ZNRF3: variants seen among roughly 807,000 people sequenced by gnomAD.
ZNRF3 encodes the protein zinc and ring finger 3.
Under a neutral mutation model 72.5 loss-of-function variants are expected in ZNRF3, and 23 were observed. That is an observed-to-expected ratio of 0.32 (90% CI 0.23 to 0.45). ZNRF3 has a LOEUF of 0.45. Ranked by LOEUF, ZNRF3 falls within the 20% of genes least tolerant of loss-of-function variation. The probability of loss-of-function intolerance (pLI) is 1.00; values close to 1 mark genes in which losing one functional copy is unlikely to be tolerated. For synonymous variants in ZNRF3, 610 were observed against 545.3 expected (o/e 1.12, Z -1.65); for missense variants, 1,169 against 1,272.1 (o/e 0.92, Z 1.23).
At chr22:29,002,429 G>A (rs187129853) in intron 2 of ZNRF3, among the ~76,000 whole-genome samples, 20 of 152,284 alleles carry the variant, frequency 1.3e-4, no homozygotes, top group Non-Finnish European at 2.5e-4. Context: ...TACAAGAGGT[G>A]CCATTTTGAA....
chr22:29,013,812 A>T (rs897771646), intron 2 of ZNRF3, among the ~76,000 whole-genome samples: 1 of 152,208 alleles, frequency 6.6e-6, no homozygotes, highest in Non-Finnish European at 1.5e-5. Flanking sequence ...TAAAAGCGTG[A>T]TGATATGGAG....
chr22:29,036,754 T>G (rs550115883), intron 2 of ZNRF3, among the ~76,000 whole-genome samples: 5 of 152,312 alleles, frequency 3.3e-5, no homozygotes, highest in African/African-American at 1.2e-4. Context: ...AATGTAGTAT[T>G]AATTATAATT....
chr22:29,035,692 C>T (rs562249452), intron 2 of ZNRF3, among the ~76,000 whole-genome samples: 2 of 152,328 alleles, frequency 1.3e-5, no homozygotes, highest in East Asian at 3.9e-4. Flanking sequence ...TCTCCTGCCT[C>T]AGCCTCCTGA....
At chr22:28,996,741 C>T (rs1199010394) in intron 2 of ZNRF3, among the ~76,000 whole-genome samples, 2 of 152,126 alleles carry the variant, frequency 1.3e-5, no homozygotes, top group Non-Finnish European at 2.9e-5. Context: ...AACAAACAAC[C>T]AGACAGTGAA....
intron 1 of ZNRF3, among the ~76,000 whole-genome samples, chr22:28,982,248 C>T (rs1463608622): frequency 2.0e-5 from 3 of 151,980 alleles, no homozygotes; most frequent in African/African-American, 7.3e-5. Flanking sequence ...GTCACTATAT[C>T]ATCTGATATT....
chr22:29,046,163 T>A (rs1405261569), intron 5 of ZNRF3, among the ~76,000 whole-genome samples: 1 of 152,140 alleles, frequency 6.6e-6, no homozygotes, highest in Non-Finnish European at 1.5e-5. Context: ...AGCAGAGATC[T>A]GGACCCCCAA....
At chr22:28,955,050 T>G (rs111927589) in intron 1 of ZNRF3, among the ~76,000 whole-genome samples, 3,334 of 150,662 alleles carry the variant, frequency 0.022, 66 homozygotes, top group African/African-American at 0.038. Context: ...TTTTTTGTTT[T>G]TTTTTTTTGA....
At chr22:28,957,386 C>T (rs570389843) in intron 1 of ZNRF3, among the ~76,000 whole-genome samples, 6 of 152,272 alleles carry the variant, frequency 3.9e-5, no homozygotes, top group African/African-American at 9.6e-5. Context: ...ATTTACTGAA[C>T]GAGTTTCTAA....
At chr22:28,935,143 C>T (rs1203131542) in intron 1 of ZNRF3, among the ~76,000 whole-genome samples, 1 of 152,198 alleles carries the variant, frequency 6.6e-6, no homozygotes, top group Non-Finnish European at 1.5e-5. Context: ...TCTGGATGTG[C>T]TATGGTTCTG....
At chr22:28,899,510 A>C (rs1716381123) in intron 1 of ZNRF3, among the ~76,000 whole-genome samples, 1 of 152,044 alleles carries the variant, frequency 6.6e-6, no homozygotes, top group Non-Finnish European at 1.5e-5. Flanking sequence ...TGCCATACCA[A>C]CCTTGTTTTT....
At position 29,049,467 on chromosome 22, in the gene ZNRF3, C is replaced by A. The variant is rs1601713305; in HGVS notation, c.1286C>A (p.Ala429Asp). The change falls in exon 8 of 9, where the codon GCC becomes GAC. Residue 429 changes from alanine to aspartate, a missense_variant. Physicochemically the swap from Ala to Asp is moderately radical, Grantham distance 126. Transcript: ENST00000544604. This position sits in a 1 kb window ranked among gnomAD's most constrained non-coding sequence, Gnocchi z 5.2. ...CCCCTCCACCTGGACCACAGCCTGG[C>A]CGCTCACCGCTGCGGCCTGGAGCAC... Reference protein sequence around the residue: ...YPPLHLDHSLAAHRCGLEHRA... With the variant: ...YPPLHLDHSLDAHRCGLEHRA... The A allele has an allele frequency of 1.2e-6, 2 of 1,604,952 alleles. No individual in the cohort carries two copies. Among genetic ancestry groups the A allele is most frequent in the East Asian group, 2.2e-5 (1 of 44,848 alleles).
At chr22:28,982,118 G>A (rs939839579) in intron 1 of ZNRF3, among the ~76,000 whole-genome samples, 1 of 152,102 alleles carries the variant, frequency 6.6e-6, no homozygotes, top group Non-Finnish European at 1.5e-5. Flanking sequence ...TAACTAGATT[G>A]TTTGCCATTG....
At chr22:28,968,528 G>A (rs775362179) in intron 1 of ZNRF3, among the ~76,000 whole-genome samples, 4 of 152,016 alleles carry the variant, frequency 2.6e-5, no homozygotes, top group Non-Finnish European at 5.9e-5. Flanking sequence ...TGGCCAACAT[G>A]GTGAAACCCT....
chr22:28,926,657 G>A (rs1423330321), intron 1 of ZNRF3, among the ~76,000 whole-genome samples: 1 of 151,770 alleles, frequency 6.6e-6, no homozygotes, highest in Non-Finnish European at 1.5e-5. Context: ...ACAGAAATTA[G>A]CTGGGCATGG....
intron 1 of ZNRF3, among the ~76,000 whole-genome samples, chr22:28,915,016 C>G (rs1483315055): frequency 6.6e-6 from 1 of 152,172 alleles, no homozygotes; most frequent in Admixed American, 6.5e-5. Context: ...GAGGCGTTCT[C>G]TTTTTGCAGA....
At chr22:28,935,819 C>T (rs1049412706) in intron 1 of ZNRF3, among the ~76,000 whole-genome samples, 1 of 152,162 alleles carries the variant, frequency 6.6e-6, no homozygotes, top group Non-Finnish European at 1.5e-5. Flanking sequence ...TTAGGGTCTT[C>T]AAAATGGCTC....
intron 2 of ZNRF3, among the ~76,000 whole-genome samples, chr22:29,022,682 C>T (rs2036561664): frequency 1.3e-5 from 2 of 152,204 alleles, no homozygotes; most frequent in African/African-American, 4.8e-5. Flanking sequence ...TAGAAGCAAT[C>T]TCAGTAGGTT....
intron 1 of ZNRF3, among the ~76,000 whole-genome samples, chr22:28,967,601 G>A (rs2035493380): frequency 1.3e-5 from 2 of 152,076 alleles, no homozygotes; most frequent in Admixed American, 1.3e-4. Context: ...GTTTCACTGC[G>A]ACATACCTAG....
intron 2 of ZNRF3, among the ~76,000 whole-genome samples, chr22:29,032,102 G>A (rs2036772057): frequency 6.6e-6 from 1 of 152,180 alleles, no homozygotes; most frequent in Admixed American, 6.5e-5. Context: ...GCCGCTGTAT[G>A]GTGTGGCCAT....
Sources: gnomAD v4.1 joint callset for allele counts (sites outside exome capture counted in the v4.1 genomes callset) on GRCh38, gnomAD v4.1.1 for gene constraint, Gnocchi (gnomAD v3.1) non-coding constraint, MANE v1.5 for transcripts, NCBI Gene and HGNC (gene_info 2026-07-23, HGNC 2026-07-21) for gene names.